Variants in FBXO21 observed in about 807,000 individuals in gnomAD.
The protein encoded by FBXO21 is F-box protein 21.
Under a neutral mutation model 76.6 loss-of-function variants are expected in FBXO21, and 32 were observed. The ratio of observed to expected loss-of-function variants is 0.42; its 90% CI spans 0.32 to 0.56. The LOEUF (loss-of-function observed/expected upper bound fraction) is 0.56. Among genes scored for constraint, FBXO21 ranks in the 20% least tolerant of loss-of-function variants. FBXO21 has a pLI of 0.16. For missense variants in FBXO21, 586 were observed against 797.3 expected (o/e 0.73, Z 3.19); for synonymous variants, 328 against 311.5 (o/e 1.05, Z -0.56).
intron 7 of FBXO21, among the ~76,000 whole-genome samples, chr12:117,168,605 C>T (rs1956085524): frequency 6.6e-6 from 1 of 151,868 alleles, no homozygotes; most frequent in Non-Finnish European, 1.5e-5. Context: ...GTTCTAGAAA[C>T]AAGGCACTCT....
At chr12:117,179,209 A>G (rs1157212725) in intron 3 of FBXO21, among the ~76,000 whole-genome samples, 1 of 152,242 alleles carries the variant, frequency 6.6e-6, no homozygotes, top group Non-Finnish European at 1.5e-5. Context: ...TGTGAAACAA[A>G]CAAGTAGCTT....
chr12:117,173,760 G>A (rs1032220662), intron 6 of FBXO21, among the ~76,000 whole-genome samples: 5 of 152,166 alleles, frequency 3.3e-5, no homozygotes, highest in African/African-American at 7.2e-5. Context: ...CCTTACAGCA[G>A]AAGGAAAAAT....
intron 9 of FBXO21, among the ~76,000 whole-genome samples, chr12:117,162,219 G>T (rs900558919): frequency 6.6e-6 from 1 of 152,184 alleles, no homozygotes; most frequent in African/African-American, 2.4e-5. Flanking sequence ...GAGAAAGAGG[G>T]AAAGGAGAAC....
At chr12:117,188,069 T>TAACA (rs1345162721) in intron 2 of FBXO21, among the ~76,000 whole-genome samples, 1 of 152,178 alleles carries the variant, frequency 6.6e-6, no homozygotes, top group East Asian at 1.9e-4. Context: ...CTCCATTAAC[T>TAACA]AACAGTAATT....
At chr12:117,174,565 G>T in intron 5 of FBXO21, 86 bp downstream of exon 5, 1 of 1,468,654 alleles carries the variant, frequency 6.8e-7, no homozygotes, top group Non-Finnish European at 9.4e-7. Flanking sequence ...ATGACATAAT[G>T]GCAGCACACT....
chr12:117,171,591 C>T (rs1956119372), intron 7 of FBXO21, among the ~76,000 whole-genome samples: 1 of 152,116 alleles, frequency 6.6e-6, no homozygotes, highest in Admixed American at 6.6e-5. Context: ...ATCTTCCAAG[C>T]TGCTTTATAA....
At position 117,186,553 on chromosome 12, in the gene FBXO21, T is replaced by C; in HGVS notation, c.394A>G (p.Ser132Gly). 2.5e-6 allele frequency: 4 copies of C among 1,612,400 alleles called. No individual in the cohort carries two copies. The highest frequency in any genetic ancestry group is 3.4e-6 in the Non-Finnish European group (4 of 1,179,062). Reference sequence around the variant, plus strand: ...GGTCCTTCAAGGTTCTCAATGTCACTGAAGCCATTACAAGGAACCTATGAA... The same window carrying C: ...GGTCCTTCAAGGTTCTCAATGTCACCGAAGCCATTACAAGGAACCTATGAA... ...FSEHVPCNGFSDIENLEGPEI... is the reference protein window; with the variant it reads ...FSEHVPCNGFGDIENLEGPEI... The change falls in exon 3 of 12, where the codon AGT (serine) becomes GGT (glycine). Residue 132 changes from serine to glycine, a missense_variant. This residue lies in a region of FBXO21 where 246 missense variants were observed against 356.8 expected (regional missense o/e 0.69). Transcript: ENST00000622495.
chr12:117,150,956 T>TTGTGTGTG (rs3999685), intron 11 of FBXO21, among the ~76,000 whole-genome samples: 10 of 94,714 alleles, frequency 1.1e-4, no homozygotes, highest in East Asian at 6.1e-4. Context: ...TCAAATAAGT[T>TTGTGTGTG]TGTGTGTGTG....
rs142024020 is a variant in FBXO21 at position 117,145,055 on chromosome 12, TC to T, written c.*1031del. On this transcript the variant is annotated 3_prime_UTR_variant, in exon 12 of 12. Coordinates refer to ENST00000622495, the MANE Select transcript of FBXO21 (RefSeq NM_015002.3). ...ACAAGAGGTGTGAAACCACTTTTTT[TC>T]CCTTCAAAACCTTTTTTTTTTTTTT... The T allele has an allele frequency of 1.3e-3, 191 of 145,066 alleles. No homozygotes were observed. Among genetic ancestry groups the T allele is most frequent in the African/African-American group, 4.2e-3 (168 of 39,996 alleles). The allele number at this position is 145,066 out of a possible 1,614,324, so 9.0% of individuals were successfully genotyped here.
intron 7 of FBXO21, among the ~76,000 whole-genome samples, chr12:117,168,049 G>A (rs1246121264): frequency 6.6e-6 from 1 of 152,190 alleles, no homozygotes; most frequent in African/African-American, 2.4e-5. Flanking sequence ...CATTCTCTGT[G>A]AGGACTCATG....
chr12:117,164,274 C>CTTTTTTTTT (rs538169408), intron 9 of FBXO21, among the ~76,000 whole-genome samples: 3 of 126,860 alleles, frequency 2.4e-5, no homozygotes, highest in East Asian at 2.4e-4. Context: ...CTTTTCTTTT[C>CTTTTTTTTT]TTTTTTTTTT....
rs764740814 is a variant in FBXO21 at position 117,189,337 on chromosome 12, T to G, written c.265A>C (p.Ser89Arg). ...AACCAATTGACGTAGTCGGTGGGGCTGTAGTGTTTCATAAGGGAAGGCCAC... is the reference window on the plus strand; with the variant it reads ...AACCAATTGACGTAGTCGGTGGGGCGGTAGTGTTTCATAAGGGAAGGCCAC... Reference protein sequence around the residue: ...VRWPSLMKHYSPTDYVNWLEE... With the variant: ...VRWPSLMKHYRPTDYVNWLEE... The change falls in exon 2 of 12, where the codon AGC becomes CGC. Residue 89 changes from serine to arginine, a missense_variant. Transcript: ENST00000622495. The G allele has an allele frequency of 2.5e-6, 4 of 1,614,154 alleles. No homozygotes were observed. The Admixed American group carries it at 6.7e-5, about 27-fold the overall frequency.
Position 117,158,024 on chromosome 12 carries a change from C to T in FBXO21, c.1366G>A (p.Gly456Arg), listed in dbSNP as rs1233353250. Residue 456 changes from glycine to arginine, a missense_variant, in exon 10 of 12, where the codon GGG becomes AGG. Coordinates refer to ENST00000622495, the MANE Select transcript of FBXO21 (RefSeq NM_015002.3). ...AGGTAGCCCACCGCCCCGTGCTGCC[C>T]CGGGTCTAGGGTTTGGATGTGCTGG... ...ILQHIQTLDP[G>R]QHGAVGYLVQ... 12 of 1,614,092 alleles carry T rather than the reference C, an allele frequency of 7.4e-6. No individual in the cohort carries two copies. The highest frequency in any genetic ancestry group is 1.0e-5 in the Non-Finnish European group (12 of 1,180,042).
chr12:117,175,704 G>A (rs1023547875), intron 4 of FBXO21, among the ~76,000 whole-genome samples: 7 of 152,116 alleles, frequency 4.6e-5, no homozygotes, highest in South Asian at 2.1e-4. Flanking sequence ...TCTGAAGTCC[G>A]TTCCTTCCTA....
At chr12:117,151,732 C>T (rs875036) in intron 11 of FBXO21, among the ~76,000 whole-genome samples, 27,585 of 151,290 alleles carry the variant, frequency 0.18, 3,139 homozygotes, top group East Asian at 0.41. Context: ...GAGACAAGGG[C>T]AGGGGAGGAG....
At chr12:117,176,018 A>G (rs1956169870) in intron 4 of FBXO21, among the ~76,000 whole-genome samples, 1 of 152,232 alleles carries the variant, frequency 6.6e-6, no homozygotes, top group Non-Finnish European at 1.5e-5. Context: ...TCTAGCAGTG[A>G]GAATTTATTT....
At chr12:117,152,976 C>A (rs1447197016) in intron 11 of FBXO21, among the ~76,000 whole-genome samples, 1 of 151,970 alleles carries the variant, frequency 6.6e-6, no homozygotes, top group Non-Finnish European at 1.5e-5. Flanking sequence ...TGGAGTATGT[C>A]AGGCGTGGGA....
chr12:117,155,950 T>C lies in FBXO21; in HGVS notation c.1518-2A>G. 1 of 1,613,840 alleles carries C rather than the reference T, an allele frequency of 6.2e-7. No individual in the cohort carries two copies. The highest frequency in any genetic ancestry group is 8.5e-7 in the Non-Finnish European group (1 of 1,179,750). On this transcript the variant is annotated splice_acceptor_variant, in intron 10 of 11. Transcript: ENST00000622495. LOFTEE classifies it high-confidence loss of function. Reference sequence around the variant, plus strand: ...TAGATCACACAGTTATAGCCATACCTAGTTAACACAGGAGGAGCAGTCAGT... The same window carrying C: ...TAGATCACACAGTTATAGCCATACCCAGTTAACACAGGAGGAGCAGTCAGT...
At position 117,155,530 on chromosome 12, in the gene FBXO21, C is replaced by G. The variant is rs545633997; in HGVS notation, c.1675+261G>C. On this transcript the variant is annotated intron_variant, in intron 11 of 11. Coordinates refer to ENST00000622495, the MANE Select transcript of FBXO21 (RefSeq NM_015002.3). ...CTTACAGGAATTTGATTGGCATAGA[C>G]AGTGGCCAATCAGATGTCCGGGCTG... 2.9e-5 allele frequency: 16 copies of G among 554,652 alleles called. No homozygotes were observed. In the African/African-American group the frequency reaches 3.0e-4, roughly 10 times the overall value. The allele number at this position is 554,652 out of a possible 1,614,324, so 34.4% of individuals were successfully genotyped here.
Sources: allele counts gnomAD v4.1 joint callset (sites outside exome capture counted in the v4.1 genomes callset), GRCh38; gene constraint gnomAD v4.1.1; regional missense constraint gnomAD v4.1.1; transcripts MANE v1.5; gene names NCBI Gene and HGNC (gene_info 2026-07-23, HGNC 2026-07-21).